The following AASDH variants were observed in gnomAD, a reference collection of about 807,000 sequenced individuals.
AASDH encodes the protein beta-alanine-activating enzyme.
In AASDH, 81 loss-of-function variants were observed where a neutral mutation model predicts 102.3. The ratio of observed to expected loss-of-function variants is 0.79; its 90% confidence interval spans 0.66 to 0.95. The LOEUF (loss-of-function observed/expected upper bound fraction) is 0.95, where lower values mean the gene tolerates loss of function less well. Ranked by LOEUF, AASDH falls within the 40% of genes least tolerant of loss-of-function variation. AASDH has a pLI of 0.00. For synonymous variants in AASDH, 398 were observed against 454.0 expected (o/e 0.88, Z 1.57); for missense variants, 1,203 against 1,266.2 (o/e 0.95, Z 0.76).
At chr4:56,377,802 G>GT (rs1752526568) in intron 4 of AASDH, among the ~76,000 whole-genome samples, 1 of 152,024 alleles carries the variant, frequency 6.6e-6, no homozygotes, top group Admixed American at 6.6e-5. Context: ...AAAATACAAG[G>GT]TTTTTTGTTT....
intron 5 of AASDH, chr4:56,356,110 T>C (rs1749604878): frequency 1.6e-6 from 1 of 620,204 alleles, no homozygotes; most frequent in Admixed American, 2.9e-5. Flanking sequence ...TGTGCCTAAG[T>C]AGCTCTCTCC....
chr4:56,372,688 G>A (rs1190464416), intron 4 of AASDH, among the ~76,000 whole-genome samples: 1 of 152,174 alleles, frequency 6.6e-6, no homozygotes, highest in Non-Finnish European at 1.5e-5. Context: ...GTGTGTTAAA[G>A]GTGTAGGGGC....
chr4:56,363,100 C>G (rs1450553650), intron 5 of AASDH, among the ~76,000 whole-genome samples: 1 of 152,254 alleles, frequency 6.6e-6, no homozygotes, highest in Admixed American at 6.5e-5. Flanking sequence ...TCGGAGGGTC[C>G]TATGCCCACG....
intron 5 of AASDH, 114 bp downstream of exon 5, chr4:56,371,337 C>A: frequency 1.8e-6 from 2 of 1,116,016 alleles, no homozygotes; most frequent in Non-Finnish European, 2.5e-6. Context: ...CCTTGATAAT[C>A]TAACCAGATT....
chr4:56,378,923 A>C (rs1752668459), intron 3 of AASDH, among the ~76,000 whole-genome samples: 1 of 150,738 alleles, frequency 6.6e-6, no homozygotes, highest in South Asian at 2.1e-4. Context: ...TCACTCTGTC[A>C]TCCAGGCTGG....
chr4:56,377,694 A>C (rs1410270720), intron 4 of AASDH, among the ~76,000 whole-genome samples: 1 of 152,230 alleles, frequency 6.6e-6, no homozygotes, highest in Non-Finnish European at 1.5e-5. Flanking sequence ...AAGTTCAGAT[A>C]CAGCTGAAAC....
At chr4:56,382,643 G>C in intron 2 of AASDH, 46 bp from the exon 3 acceptor site, 1 of 1,570,456 alleles carries the variant, frequency 6.4e-7, no homozygotes, top group Non-Finnish European at 8.6e-7. Context: ...TGTTGATTTA[G>C]TATTTGTTTA....
chr4:56,357,120 C>A (rs919126878), intron 5 of AASDH, among the ~76,000 whole-genome samples: 5 of 151,782 alleles, frequency 3.3e-5, no homozygotes, highest in Non-Finnish European at 7.4e-5. Flanking sequence ...CTAGTAAAAC[C>A]ATCACCACAA....
Position 56,368,687 on chromosome 4 carries a change from G to A in AASDH, c.861+2764C>T, listed in dbSNP as rs1307528842. Among the ~76,000 whole-genome samples, 3 of 137,634 alleles carry A rather than the reference G, an allele frequency of 2.2e-5. No homozygotes were observed. The Admixed American group carries it at 2.3e-4, about 10-fold the overall frequency. The allele number at this position is 137,634 out of a possible 152,430, so 90.3% of individuals were successfully genotyped here. On this transcript the variant is annotated intron_variant, in intron 5 of 14. Coordinates refer to ENST00000205214, the MANE Select transcript of AASDH (RefSeq NM_181806.4). The stretch of plus-strand genomic sequence containing the variant: ...TGAACAGTGAGAACACATGGACACA[G>A]GAAGGGGAACACCACACACTGGGGA...
chr4:56,339,259 T>G (rs1479270539), intron 14 of AASDH, among the ~76,000 whole-genome samples: 1 of 152,002 alleles, frequency 6.6e-6, no homozygotes, highest in East Asian at 2.0e-4. Context: ...GTTGAAGCGC[T>G]TCTCCCGCCT....
intron 4 of AASDH, among the ~76,000 whole-genome samples, chr4:56,372,445 T>C (rs903198280): frequency 3.3e-5 from 5 of 152,236 alleles, no homozygotes; most frequent in Non-Finnish European, 5.9e-5. Context: ...CTCCCCTTTC[T>C]ATTTAGCATT....
At chr4:56,354,331 G>T (rs937011341) in intron 7 of AASDH, 120 bp from the exon 8 acceptor site, 7 of 812,028 alleles carry the variant, frequency 8.6e-6, no homozygotes, top group Non-Finnish European at 1.2e-5. Context: ...TAAAAGATGG[G>T]CTCATTTTAA....
chr4:56,367,201 C>T (rs1266113137), intron 5 of AASDH, among the ~76,000 whole-genome samples: 2 of 151,990 alleles, frequency 1.3e-5, no homozygotes, highest in African/African-American at 4.8e-5. Context: ...CAAACCACTG[C>T]TCAATGAAAT....
chr4:56,376,291 G>A (rs765810735), intron 4 of AASDH, among the ~76,000 whole-genome samples: 10 of 152,046 alleles, frequency 6.6e-5, no homozygotes, highest in Non-Finnish European at 1.3e-4. Context: ...CTCCTAAAGT[G>A]TGGGATTACA....
intron 5 of AASDH, among the ~76,000 whole-genome samples, chr4:56,362,792 T>G (rs1232191396): frequency 6.6e-6 from 1 of 152,158 alleles, no homozygotes; most frequent in Admixed American, 6.5e-5. Flanking sequence ...AGCTCCAGTC[T>G]ACAGCTCCCA....
rs146080836 is a variant in AASDH at position 56,378,226 on chromosome 4, T to A, written c.590A>T (p.His197Leu). The part of the protein sequence containing the change: ...RLKHCLAYVL[H>L]TSGTTGIPKI... ...CGGTATCCCTGTAGTCCCTGATGTATGTAGAACATAGGCTAAGCAATGCTT... is the reference window on the plus strand; with the variant it reads ...CGGTATCCCTGTAGTCCCTGATGTAAGTAGAACATAGGCTAAGCAATGCTT... The change falls in exon 4 of 15, where the codon CAT becomes CTT. Residue 197 changes from histidine to leucine, a missense_variant. Transcript: ENST00000205214. The A allele has an allele frequency of 8.6e-4, 1,394 of 1,614,230 alleles. 20 individuals carry two copies. Among genetic ancestry groups the A allele is most frequent in the Non-Finnish European group, 2.2e-4 (259 of 1,180,040 alleles).
At chr4:56,386,842 C>G (rs1490957322) in intron 1 of AASDH, among the ~76,000 whole-genome samples, 1 of 143,196 alleles carries the variant, frequency 7.0e-6, no homozygotes, top group Non-Finnish European at 1.5e-5. Flanking sequence ...AAAGCAAACT[C>G]TGGTAAGCAG....
chr4:56,382,286 A>G, intron 3 of AASDH, 191 bp downstream of exon 3: 1 of 519,202 alleles, frequency 1.9e-6, no homozygotes, highest in South Asian at 2.5e-5. Flanking sequence ...GGTCAAATAT[A>G]TTGCTAAATA....
chr4:56,345,393 T>C (rs1171816574), intron 11 of AASDH, 103 bp from the exon 12 acceptor site: 2 of 1,099,544 alleles, frequency 1.8e-6, no homozygotes, highest in Middle Eastern at 3.0e-4. Flanking sequence ...CTCTTATACA[T>C]AGGCTCTATG....
Sources: allele counts gnomAD v4.1 joint callset (sites outside exome capture counted in the v4.1 genomes callset), GRCh38; gene constraint gnomAD v4.1.1; transcripts MANE v1.5; gene names NCBI Gene and HGNC (gene_info 2026-07-23, HGNC 2026-07-21).